Variants in CNTN5 observed in about 807,000 individuals in gnomAD.
CNTN5 encodes the protein contactin 5, also known as contactin-5.
In CNTN5, 77 loss-of-function variants were observed where a neutral mutation model predicts 129.1. That is an observed-to-expected ratio of 0.60 (90% confidence interval 0.50 to 0.72). CNTN5 has a LOEUF of 0.72. Ranked by LOEUF, CNTN5 falls within the 30% of genes least tolerant of loss-of-function variation. CNTN5 has a pLI of 0.00. For synonymous variants in CNTN5, 509 were observed against 465.6 expected (o/e 1.09, Z -1.20); for missense variants, 1,478 against 1,328.8 (o/e 1.11, Z -1.75).
chr11:99,848,782 G>A (rs1947782913), intron 6 of CNTN5, among the ~76,000 whole-genome samples: 1 of 152,086 alleles, frequency 6.6e-6, no homozygotes, highest in Non-Finnish European at 1.5e-5. Context: ...CTGGGCTAGT[G>A]CTATCAGGAT....
At chr11:99,512,380 G>A (rs1182494924) in intron 2 of CNTN5, among the ~76,000 whole-genome samples, 1 of 152,076 alleles carries the variant, frequency 6.6e-6, no homozygotes, top group Non-Finnish European at 1.5e-5. Flanking sequence ...ACCCAGGTTC[G>A]TTAAAGTATA....
intron 3 of CNTN5, among the ~76,000 whole-genome samples, chr11:99,593,868 C>A (rs1217581101): frequency 6.6e-6 from 1 of 152,152 alleles, no homozygotes; most frequent in African/African-American, 2.4e-5. Flanking sequence ...TTCTTATTCC[C>A]AGTGTAATGC....
rs140495949 is a variant in CNTN5 at position 99,348,563 on chromosome 11, T to G, written c.-71+23079T>G. 6.0e-4 allele frequency among the ~76,000 whole-genome samples: 91 copies of G among 152,348 alleles called. No homozygotes were observed. The East Asian group carries it at 0.015, about 25-fold the overall frequency. ...AATGGAGAAACTCCAACCTACAGAC[T>G]GCCTTCGGATATTTTTTTAACTCCT... On this transcript the variant is annotated intron_variant, in intron 2 of 24. Transcript: ENST00000524871.
chr11:99,727,713 C>T (rs1411022010), intron 3 of CNTN5, among the ~76,000 whole-genome samples: 1 of 152,098 alleles, frequency 6.6e-6, no homozygotes, highest in Non-Finnish European at 1.5e-5. Flanking sequence ...CTGATATTGA[C>T]TGAAAATACT....
At chr11:99,778,595 T>G (rs2135375909) in intron 3 of CNTN5, among the ~76,000 whole-genome samples, 1 of 151,894 alleles carries the variant, frequency 6.6e-6, no homozygotes, top group East Asian at 2.0e-4. Context: ...ATAGTCATTG[T>G]GATTATGTGT....
chr11:100,107,573 A>C (rs1945489433), intron 13 of CNTN5, among the ~76,000 whole-genome samples: 1 of 151,208 alleles, frequency 6.6e-6, no homozygotes, highest in African/African-American at 2.4e-5. Flanking sequence ...AACCATACTG[A>C]AAACCAATTC....
At chr11:100,099,172 A>G (rs1945127448) in intron 13 of CNTN5, among the ~76,000 whole-genome samples, 1 of 152,226 alleles carries the variant, frequency 6.6e-6, no homozygotes, top group African/African-American at 2.4e-5. Context: ...AAACATAAAA[A>G]CAGTGAGGCC....
intron 2 of CNTN5, among the ~76,000 whole-genome samples, chr11:99,513,274 G>A (rs910693259): frequency 3.9e-5 from 6 of 152,140 alleles, no homozygotes; most frequent in African/African-American, 4.8e-5. Context: ...GATAGCAGAC[G>A]TTGGTTCATA....
intron 4 of CNTN5, among the ~76,000 whole-genome samples, chr11:99,825,704 C>T (rs1946932335): frequency 6.6e-6 from 1 of 152,054 alleles, no homozygotes; most frequent in African/African-American, 2.4e-5. Flanking sequence ...TCCCTTTGTA[C>T]TTTAAGTATC....
At chr11:99,962,602 A>C (rs1337167007) in intron 8 of CNTN5, among the ~76,000 whole-genome samples, 10 of 150,978 alleles carry the variant, frequency 6.6e-5, no homozygotes, top group African/African-American at 2.2e-4. Flanking sequence ...ATTGTGAATA[A>C]TGCCGCAATA....
intron 2 of CNTN5, among the ~76,000 whole-genome samples, chr11:99,541,956 C>CAAA (rs56363127): frequency 7.3e-4 from 50 of 68,830 alleles, no homozygotes; most frequent in African/African-American, 8.7e-4. Flanking sequence ...GATCTTGTCT[C>CAAA]AAAAAAAAAA....
At chr11:99,336,252 G>A (rs1204470499) in intron 2 of CNTN5, among the ~76,000 whole-genome samples, 1 of 152,122 alleles carries the variant, frequency 6.6e-6, no homozygotes, top group Admixed American at 6.6e-5. Context: ...TTTTTTGTGT[G>A]ATGAGCTTAT....
chr11:99,936,495 G>A (rs1591447145), intron 7 of CNTN5, among the ~76,000 whole-genome samples: 1 of 95,892 alleles, frequency 1.0e-5, no homozygotes, highest in Admixed American at 1.0e-4. Flanking sequence ...GCAACAAGTA[G>A]TCTTTTTTTT....
At chr11:99,936,497 CT>C (rs34992102) in intron 7 of CNTN5, among the ~76,000 whole-genome samples, 1 of 151,828 alleles carries the variant, frequency 6.6e-6, no homozygotes, top group African/African-American at 2.4e-5. Context: ...AACAAGTAGT[CT>C]TTTTTTTGAA....
chr11:99,966,454 C>T (rs1379658767), intron 8 of CNTN5, among the ~76,000 whole-genome samples: 1 of 152,112 alleles, frequency 6.6e-6, no homozygotes, highest in Admixed American at 6.6e-5. Context: ...GAGCTTGAGC[C>T]CACAGGACCA....
At chr11:99,816,406 C>G (rs1453172482) in intron 3 of CNTN5, among the ~76,000 whole-genome samples, 1 of 152,156 alleles carries the variant, frequency 6.6e-6, no homozygotes, top group Non-Finnish European at 1.5e-5. Flanking sequence ...TTAACATCAA[C>G]ATGAATGTCC....
rs1354140033 is a variant in CNTN5, at chr11:100,356,350, A to T, written c.*130A>T. 7.4e-6 allele frequency: 5 copies of T among 673,686 alleles called. No individual in the cohort carries two copies. Among genetic ancestry groups the T allele is most frequent in the Admixed American group, 4.7e-5 (2 of 42,730 alleles). The allele number at this position is 673,686 out of a possible 1,614,324, so 41.7% of individuals were successfully genotyped here. The stretch of plus-strand genomic sequence containing the variant: ...AAAAACTTGGGACTATACATGGTGA[A>T]CTTACAGGAGGTTAGGGGGGAAATA... On this transcript the variant is annotated 3_prime_UTR_variant, in exon 25 of 25. Coordinates refer to ENST00000524871, the MANE Select transcript of CNTN5 (RefSeq NM_014361.4).
intron 18 of CNTN5, among the ~76,000 whole-genome samples, chr11:100,274,227 T>C (rs1480735166): frequency 6.6e-6 from 1 of 152,180 alleles, no homozygotes; most frequent in Non-Finnish European, 1.5e-5. Flanking sequence ...TAACTCAAGA[T>C]GGATTAAAGA....
chr11:99,023,914 C>G (rs923538580), intron 1 of CNTN5, among the ~76,000 whole-genome samples: 4 of 152,012 alleles, frequency 2.6e-5, no homozygotes, highest in Non-Finnish European at 5.9e-5. Context: ...TCTGACAATC[C>G]AAGCATAAAG....
Sources: allele counts gnomAD v4.1 joint callset (sites outside exome capture counted in the v4.1 genomes callset), GRCh38; gene constraint gnomAD v4.1.1; transcripts MANE v1.5; gene names NCBI Gene and HGNC (gene_info 2026-07-23, HGNC 2026-07-21).